Variants in ZFPM2 observed in about 807,000 individuals in gnomAD.
ZFPM2 encodes the protein zinc finger protein, FOG family member 2.
Under a neutral mutation model 98.6 loss-of-function variants are expected in ZFPM2, and 20 were observed. The ratio of observed to expected loss-of-function variants is 0.20; its 90% confidence interval spans 0.14 to 0.29. The LOEUF is 0.29. ZFPM2 is among the 10% of genes least tolerant of loss of function. The pLI, the probability that ZFPM2 is intolerant of heterozygous loss-of-function variation, is 1.00. For missense variants in ZFPM2, 1,310 were observed against 1,388.6 expected (o/e 0.94, Z 0.90); for synonymous variants, 518 against 502.7 (o/e 1.03, Z -0.41).
intron 2 of ZFPM2, among the ~76,000 whole-genome samples, chr8:105,439,681 A>G (rs1010916703): frequency 1.3e-5 from 2 of 152,210 alleles, no homozygotes; most frequent in Non-Finnish European, 2.9e-5. Flanking sequence ...AATTTGGGCT[A>G]CATGTTTTCC....
At chr8:105,400,949 T>C (rs977190625) in intron 1 of ZFPM2, among the ~76,000 whole-genome samples, 1 of 152,064 alleles carries the variant, frequency 6.6e-6, no homozygotes, top group African/African-American at 2.4e-5. Context: ...AGTGCTGCTC[T>C]AGGGAGTCTT....
chr8:105,320,101 A>G (rs1219399616), intron 1 of ZFPM2, among the ~76,000 whole-genome samples: 3 of 152,168 alleles, frequency 2.0e-5, no homozygotes, highest in Non-Finnish European at 2.9e-5. Flanking sequence ...CTTTAGTAGT[A>G]TCCCTTTCCC....
At chr8:105,721,754 T>C (rs1175094828) in intron 5 of ZFPM2, among the ~76,000 whole-genome samples, 1 of 151,962 alleles carries the variant, frequency 6.6e-6, no homozygotes, top group Non-Finnish European at 1.5e-5. Flanking sequence ...AGCTAGATAG[T>C]AACTCTTAAG....
chr8:105,512,513 T>C (rs1370802332), intron 3 of ZFPM2, among the ~76,000 whole-genome samples: 1 of 152,212 alleles, frequency 6.6e-6, no homozygotes, highest in Non-Finnish European at 1.5e-5. Flanking sequence ...TATGCATTTT[T>C]TATCACTAGG....
chr8:105,390,436 A>G (rs1272126952), intron 1 of ZFPM2, among the ~76,000 whole-genome samples: 1 of 152,230 alleles, frequency 6.6e-6, no homozygotes, highest in East Asian at 1.9e-4. Context: ...GCTTTCGTGT[A>G]TTCTCACAAA....
chr8:105,650,718 T>C (rs1817153691), intron 5 of ZFPM2, among the ~76,000 whole-genome samples: 1 of 152,212 alleles, frequency 6.6e-6, no homozygotes. Flanking sequence ...GAGTTCTAGT[T>C]TGATTGCACT....
At chr8:105,772,988 A>T (rs1410364215) in intron 5 of ZFPM2, among the ~76,000 whole-genome samples, 1 of 152,292 alleles carries the variant, frequency 6.6e-6, no homozygotes, top group East Asian at 1.9e-4. Flanking sequence ...GTAAATTACG[A>T]CGAAGTTGTT....
chr8:105,709,838 G>A (rs1811340135), intron 5 of ZFPM2, among the ~76,000 whole-genome samples: 1 of 152,048 alleles, frequency 6.6e-6, no homozygotes. Context: ...CTCTTCTAAG[G>A]TTTTGGATTT....
intron 5 of ZFPM2, among the ~76,000 whole-genome samples, chr8:105,653,729 C>T (rs1346480305): frequency 6.6e-6 from 1 of 151,946 alleles, no homozygotes; most frequent in South Asian, 2.1e-4. Flanking sequence ...CTGGCAGAGA[C>T]TTGTGAATTT....
intron 3 of ZFPM2, among the ~76,000 whole-genome samples, chr8:105,490,405 A>G (rs1166138828): frequency 2.6e-5 from 4 of 152,160 alleles, no homozygotes; most frequent in Non-Finnish European, 5.9e-5. Context: ...TGCTATATGG[A>G]GTTATTTCTA....
chr8:105,770,935 G>C (rs1186846380), intron 5 of ZFPM2, among the ~76,000 whole-genome samples: 1 of 152,128 alleles, frequency 6.6e-6, no homozygotes, highest in Non-Finnish European at 1.5e-5. Flanking sequence ...CTTTCCTCTA[G>C]GGAGCTATAT....
intron 5 of ZFPM2, among the ~76,000 whole-genome samples, chr8:105,757,072 GC>G (rs1812617739): frequency 1.3e-5 from 2 of 152,106 alleles, no homozygotes; most frequent in African/African-American, 4.8e-5. Context: ...TAATGCTATA[GC>G]CAATAAAGGC....
intron 2 of ZFPM2, among the ~76,000 whole-genome samples, chr8:105,425,036 A>G (rs939221820): frequency 2.0e-5 from 3 of 151,924 alleles, no homozygotes; most frequent in African/African-American, 4.9e-5. Flanking sequence ...AGCTTCCAGT[A>G]CTGAGTCAAG....
rs114877018 is a variant in ZFPM2, at chr8:105,544,502, C to G, written c.302-16861C>G. 3.2e-3 allele frequency among the ~76,000 whole-genome samples: 483 copies of G among 152,208 alleles called. 1 individual carries two copies. The highest frequency in any genetic ancestry group is 0.011 in the African/African-American group (458 of 41,526). On this transcript the variant is annotated intron_variant, in intron 3 of 7. Transcript: ENST00000407775. ...GTTTATATTATTCTCTTGCTTCTAC[C>G]TCCTGTTTTAAACTTCAGCTCTGGC...
chr8:105,502,090 A>G (rs1172283332), intron 3 of ZFPM2, among the ~76,000 whole-genome samples: 1 of 152,202 alleles, frequency 6.6e-6, no homozygotes, highest in Non-Finnish European at 1.5e-5. Context: ...ATATGACAAT[A>G]AAAGTATACA....
At chr8:105,330,563 T>TAC (rs1252725102) in intron 1 of ZFPM2, among the ~76,000 whole-genome samples, 23 of 75,324 alleles carry the variant, frequency 3.1e-4, no homozygotes, top group African/African-American at 8.4e-4. Flanking sequence ...CATATATATA[T>TAC]ATATACATAT....
intron 1 of ZFPM2, among the ~76,000 whole-genome samples, chr8:105,394,375 T>C (rs1811180994): frequency 6.6e-6 from 1 of 152,194 alleles, no homozygotes; most frequent in Non-Finnish European, 1.5e-5. Flanking sequence ...TGTATCACTT[T>C]TCTCTTGTGT....
At chr8:105,327,334 A>G (rs562607004) in intron 1 of ZFPM2, among the ~76,000 whole-genome samples, 11 of 151,734 alleles carry the variant, frequency 7.2e-5, no homozygotes, top group Non-Finnish European at 1.6e-4. Context: ...AGTTAGAAGC[A>G]AACATTTTTT....
intron 1 of ZFPM2, among the ~76,000 whole-genome samples, chr8:105,380,811 A>AATATATATAATATATAATATATATGTTAT (rs1810859844): frequency 1.3e-5 from 1 of 75,074 alleles, no homozygotes; most frequent in Non-Finnish European, 2.1e-5. Flanking sequence ...TGTTATATAT[A>AATATATATAATATATAATATATATGTTAT]ATATATATAA....
Sources: allele counts gnomAD v4.1 joint callset (sites outside exome capture counted in the v4.1 genomes callset), GRCh38; gene constraint gnomAD v4.1.1; transcripts MANE v1.5; gene names NCBI Gene and HGNC (gene_info 2026-07-23, HGNC 2026-07-21).